Variants in EFCAB6 observed in about 807,000 individuals in gnomAD.
The protein encoded by EFCAB6 is EF-hand calcium binding domain 6.
Under a neutral mutation model 169.8 loss-of-function variants are expected in EFCAB6, and 156 were observed. That is an observed-to-expected ratio of 0.92 (90% CI 0.81 to 1.05). The LOEUF is 1.05. Ranked by LOEUF, EFCAB6 falls within the 50% of genes least tolerant of loss-of-function variation. The pLI, the probability that EFCAB6 is intolerant of heterozygous loss-of-function variation, is 0.00. For missense variants in EFCAB6, 1,800 were observed against 1,829.1 expected (o/e 0.98, Z 0.29); for synonymous variants, 698 against 676.4 (o/e 1.03, Z -0.50).
chr22:43,709,916 G>A (rs1465582365), intron 10 of EFCAB6, among the ~76,000 whole-genome samples: 3 of 152,130 alleles, frequency 2.0e-5, no homozygotes, highest in African/African-American at 7.2e-5. Flanking sequence ...TGGACATATA[G>A]GGAGCTGGCA....
intron 17 of EFCAB6, among the ~76,000 whole-genome samples, chr22:43,649,116 A>G (rs992376029): frequency 6.6e-6 from 1 of 152,216 alleles, no homozygotes; most frequent in Non-Finnish European, 1.5e-5. Flanking sequence ...GGGGGAAAAA[A>G]GTCCCCGGGC....
chr22:43,530,700 G>A, intron 31 of EFCAB6, 115 bp downstream of exon 31: 1 of 1,539,156 alleles, frequency 6.5e-7, no homozygotes, highest in South Asian at 1.3e-5. Context: ...ATCTGAAGCA[G>A]CCAGGTCACA....
intron 7 of EFCAB6, among the ~76,000 whole-genome samples, chr22:43,732,052 T>C (rs2059971422): frequency 6.6e-6 from 1 of 152,154 alleles, no homozygotes; most frequent in Admixed American, 6.5e-5. Flanking sequence ...GAGACAGAAA[T>C]GTTGCTGGAC....
chr22:43,528,849 G>T lies in EFCAB6; in HGVS notation c.*4C>A. On this transcript the variant is annotated 3_prime_UTR_variant, in exon 32 of 32. Coordinates refer to ENST00000262726, the MANE Select transcript of EFCAB6 (RefSeq NM_022785.4). ...TCGTCCCGCTGGGCACACAGCAGGGGTGTCTACTGGAGGAATGCCCGGAGG... is the reference window on the plus strand; with the variant it reads ...TCGTCCCGCTGGGCACACAGCAGGGTTGTCTACTGGAGGAATGCCCGGAGG... The T allele has an allele frequency of 6.2e-7, 1 of 1,602,636 alleles. No homozygotes were observed. The highest frequency in any genetic ancestry group is 1.1e-5 in the South Asian group (1 of 90,532).
intron 10 of EFCAB6, among the ~76,000 whole-genome samples, chr22:43,699,416 G>A (rs776440726): frequency 5.3e-5 from 8 of 152,080 alleles, no homozygotes; most frequent in Non-Finnish European, 8.8e-5. Context: ...GGCCTAGGAG[G>A]GATCCTGGCT....
At chr22:43,591,296 A>T (rs570020173) in intron 23 of EFCAB6, among the ~76,000 whole-genome samples, 11 of 151,426 alleles carry the variant, frequency 7.3e-5, no homozygotes, top group African/African-American at 2.7e-4. Flanking sequence ...TCTCTCCTAA[A>T]AAACACAAAA....
intron 17 of EFCAB6, among the ~76,000 whole-genome samples, chr22:43,651,676 G>A (rs776052973): frequency 6.6e-6 from 1 of 152,262 alleles, no homozygotes; most frequent in Admixed American, 6.5e-5. Context: ...GTCAGCCCAT[G>A]AAAGCAGCCG....
chr22:43,633,413 T>G (rs897700747), intron 18 of EFCAB6, among the ~76,000 whole-genome samples: 1 of 152,166 alleles, frequency 6.6e-6, no homozygotes, highest in African/African-American at 2.4e-5. Flanking sequence ...CTGGGTGTGG[T>G]GGTGCACGCC....
intron 5 of EFCAB6, among the ~76,000 whole-genome samples, chr22:43,764,908 GA>G (rs1480080581): frequency 3.9e-5 from 4 of 102,178 alleles, no homozygotes; most frequent in Non-Finnish European, 5.8e-5. Context: ...TTCTAGCCAC[GA>G]AAACATCATC....
chr22:43,678,231 A>T, intron 12 of EFCAB6, 68 bp from the exon 13 acceptor site: 1 of 1,472,156 alleles, frequency 6.8e-7, no homozygotes, highest in Non-Finnish European at 9.2e-7. Flanking sequence ...AGTGTTATGT[A>T]TGTTTAGCAT....
chr22:43,726,765 G>A (rs1195505846), intron 8 of EFCAB6, among the ~76,000 whole-genome samples: 1 of 152,214 alleles, frequency 6.6e-6, no homozygotes, highest in Non-Finnish European at 1.5e-5. Flanking sequence ...TAGATGTGCA[G>A]AGAAGACACC....
intron 2 of EFCAB6, among the ~76,000 whole-genome samples, chr22:43,794,483 G>T (rs371781443): frequency 6.6e-6 from 1 of 152,168 alleles, no homozygotes; most frequent in South Asian, 2.1e-4. Context: ...ATGTGTATGT[G>T]TGTATGCATT....
chr22:43,705,554 A>C (rs1214350484), intron 10 of EFCAB6, among the ~76,000 whole-genome samples: 1 of 152,212 alleles, frequency 6.6e-6, no homozygotes, highest in Non-Finnish European at 1.5e-5. Flanking sequence ...CTAAAACTAG[A>C]AACCAATAAT....
intron 25 of EFCAB6, 124 bp from the exon 26 acceptor site, chr22:43,576,612 A>G (rs2147259670): frequency 2.7e-6 from 2 of 741,604 alleles, no homozygotes; most frequent in East Asian, 3.2e-5. Flanking sequence ...TACCTTGTAA[A>G]TTCTAAATTA....
chr22:43,721,682 G>T (rs551729847), intron 8 of EFCAB6, among the ~76,000 whole-genome samples: 60 of 152,262 alleles, frequency 3.9e-4, no homozygotes, highest in African/African-American at 1.4e-3. Flanking sequence ...GGGATAACAG[G>T]CTAGCCATAT....
At chr22:43,589,996 A>C in intron 24 of EFCAB6, 78 bp downstream of exon 24, 1 of 1,543,584 alleles carries the variant, frequency 6.5e-7, no homozygotes, top group Non-Finnish European at 8.8e-7. Context: ...TTGGGCGGAC[A>C]TACAGAAGAA....
chr22:43,563,721 C>A (rs180988922), intron 26 of EFCAB6, among the ~76,000 whole-genome samples: 1 of 152,216 alleles, frequency 6.6e-6, no homozygotes, highest in South Asian at 2.1e-4. Context: ...CTCAGACAGA[C>A]GTGGGTTGAG....
In EFCAB6 at chr22:43,572,960, G is replaced by C. The variant is rs892396999; in HGVS notation, c.3420+3337C>G. ...CATGCTAGATGGAATCCATGCTTTA[G>C]AGGAAAATGAAGACCCCAGAGAATG... On this transcript the variant is annotated intron_variant, in intron 26 of 31. Transcript: ENST00000262726. This position sits in a 1 kb window ranked among gnomAD's most constrained non-coding sequence, Gnocchi z 4.0. 6.6e-6 allele frequency among the ~76,000 whole-genome samples: 1 copy of C among 152,232 alleles called. No homozygotes were observed. Among genetic ancestry groups the C allele is most frequent in the Non-Finnish European group, 1.5e-5 (1 of 68,040 alleles).
intron 26 of EFCAB6, among the ~76,000 whole-genome samples, 168 bp downstream of exon 26, chr22:43,576,129 C>T (rs554251907): frequency 6.6e-6 from 1 of 152,096 alleles, no homozygotes; most frequent in Non-Finnish European, 1.5e-5. Flanking sequence ...TGCATATTCA[C>T]CTTCTAATAC....
Sources: allele counts gnomAD v4.1 joint callset (sites outside exome capture counted in the v4.1 genomes callset), GRCh38; gene constraint gnomAD v4.1.1; non-coding constraint Gnocchi (gnomAD v3.1); transcripts MANE v1.5; gene names NCBI Gene and HGNC (gene_info 2026-07-23, HGNC 2026-07-21).